The following SNTG1 variants were observed in gnomAD, a reference collection of about 807,000 sequenced individuals.
SNTG1 encodes the protein gamma-1-syntrophin.
A neutral mutation model predicts 74.7 loss-of-function variants in SNTG1; 39 were observed. The observed-to-expected ratio is 0.52, with a 90% CI of 0.40 to 0.68. The LOEUF (loss-of-function observed/expected upper bound fraction) is 0.68, where lower values mean the gene tolerates loss of function less well. SNTG1 is among the 30% of genes least tolerant of loss of function. The pLI, the probability that SNTG1 is intolerant of heterozygous loss-of-function variation, is 0.00. For synonymous variants in SNTG1, 254 were observed against 217.1 expected (o/e 1.17, Z -1.49); for missense variants, 685 against 609.5 (o/e 1.12, Z -1.30).
At chr8:50,623,299 G>A (rs1426595424) in intron 13 of SNTG1, among the ~76,000 whole-genome samples, 1 of 152,096 alleles carries the variant, frequency 6.6e-6, no homozygotes, top group Non-Finnish European at 1.5e-5. Flanking sequence ...GATGGTAGCT[G>A]TGGGGTTGTT....
chr8:50,052,883 G>A (rs1043307948), intron 1 of SNTG1, among the ~76,000 whole-genome samples: 3 of 152,118 alleles, frequency 2.0e-5, no homozygotes, highest in African/African-American at 7.2e-5. Context: ...ATGTCCACTA[G>A]GATGGCCATT....
At chr8:50,791,037 C>T (rs1178113618) in intron 18 of SNTG1, among the ~76,000 whole-genome samples, 1 of 151,878 alleles carries the variant, frequency 6.6e-6, no homozygotes, top group Non-Finnish European at 1.5e-5. Flanking sequence ...TTTTTAATAA[C>T]ATGCAAGAAC....
At chr8:49,968,802 C>G (rs1017385835) in intron 1 of SNTG1, among the ~76,000 whole-genome samples, 1 of 152,082 alleles carries the variant, frequency 6.6e-6, no homozygotes, top group Non-Finnish European at 1.5e-5. Flanking sequence ...TATTTACAGG[C>G]GCTGTGTTCC....
intron 2 of SNTG1, among the ~76,000 whole-genome samples, chr8:50,209,639 A>G (rs2084416044): frequency 6.6e-6 from 1 of 152,266 alleles, no homozygotes; most frequent in Admixed American, 6.5e-5. Context: ...GCAAACTCCA[A>G]CAGACCTGCA....
At chr8:50,200,259 G>T (rs1043695039) in intron 2 of SNTG1, among the ~76,000 whole-genome samples, 3 of 152,126 alleles carry the variant, frequency 2.0e-5, no homozygotes, top group Non-Finnish European at 4.4e-5. Context: ...TCCAAGGGTC[G>T]CATTGAGCAA....
chr8:50,654,678 C>T (rs918689522), intron 13 of SNTG1, among the ~76,000 whole-genome samples: 1 of 152,194 alleles, frequency 6.6e-6, no homozygotes, highest in South Asian at 2.1e-4. Context: ...AATATATTGA[C>T]ATAAGTAATG....
rs78434604 is a variant in SNTG1 at position 50,377,118 on chromosome 8, G to T, written c.-27-17094G>T. On this transcript the variant is annotated intron_variant, in intron 2 of 18. Coordinates refer to ENST00000642720, the MANE Select transcript of SNTG1 (RefSeq NM_018967.5). ...GCTGCTCTTGGGGAATTCGGGAGGT[G>T]TGTATTTGAGGAGGGTGAGAAGGAC... Among the ~76,000 whole-genome samples the T allele has an allele frequency of 9.0e-3, 1,376 of 152,132 alleles. 26 individuals are homozygous for T. Among genetic ancestry groups the T allele is most frequent in the African/African-American group, 0.031 (1,304 of 41,504 alleles).
chr8:50,370,160 T>C (rs564621087), intron 2 of SNTG1, among the ~76,000 whole-genome samples: 1 of 152,188 alleles, frequency 6.6e-6, no homozygotes, highest in Non-Finnish European at 1.5e-5. Context: ...AATAAAAGGA[T>C]GAGTTCAGGA....
At chr8:50,466,107 G>A (rs1264629949) in intron 8 of SNTG1, among the ~76,000 whole-genome samples, 1 of 151,980 alleles carries the variant, frequency 6.6e-6, no homozygotes, top group Non-Finnish European at 1.5e-5. Flanking sequence ...GTCATTCATT[G>A]ACATAAAAAC....
chr8:50,150,605 G>C (rs140947990), intron 1 of SNTG1, among the ~76,000 whole-genome samples: 5,825 of 152,176 alleles, frequency 0.038, 364 homozygotes, highest in African/African-American at 0.13. Flanking sequence ...TAGCATGAAG[G>C]GTTGTTGAAT....
At chr8:50,472,907 G>A (rs1477223843) in intron 8 of SNTG1, among the ~76,000 whole-genome samples, 1 of 151,712 alleles carries the variant, frequency 6.6e-6, no homozygotes, top group Non-Finnish European at 1.5e-5. Flanking sequence ...ATACACAAAT[G>A]GCCAAAAAAA....
In SNTG1 at chr8:50,385,374, A is replaced by G. The variant is rs1047746232; in HGVS notation, c.-27-8838A>G. Among the ~76,000 whole-genome samples, 6 of 152,288 alleles carry G rather than the reference A, an allele frequency of 3.9e-5. No homozygotes were observed. The South Asian group carries it at 8.3e-4, about 21-fold the overall frequency. On this transcript the variant is annotated intron_variant, in intron 2 of 18. Transcript: ENST00000642720. ...TAAGCAAGGCCAACTGCAACAACCTATTCTTTACCTTAGAAGGGTATCTCA... is the reference window on the plus strand; with the variant it reads ...TAAGCAAGGCCAACTGCAACAACCTGTTCTTTACCTTAGAAGGGTATCTCA...
intron 2 of SNTG1, among the ~76,000 whole-genome samples, chr8:50,345,637 C>T (rs1467936911): frequency 6.6e-6 from 1 of 152,120 alleles, no homozygotes; most frequent in Non-Finnish European, 1.5e-5. Context: ...ACTTTATGCT[C>T]ATGATTTTCT....
In SNTG1 at chr8:50,187,185, C is replaced by T. The variant is rs139062587; in HGVS notation, c.-28+14550C>T. ...AAACTATTTTAAATTTCATATGGAACCAAAAAAGAGATCATATAGCCAAGA... is the reference window on the plus strand; with the variant it reads ...AAACTATTTTAAATTTCATATGGAATCAAAAAAGAGATCATATAGCCAAGA... On this transcript the variant is annotated intron_variant, in intron 2 of 18. Coordinates refer to ENST00000642720, the MANE Select transcript of SNTG1 (RefSeq NM_018967.5). 3.9e-3 allele frequency among the ~76,000 whole-genome samples: 586 copies of T among 152,100 alleles called. 5 individuals carry two copies. Among genetic ancestry groups the T allele is most frequent in the African/African-American group, 0.013 (558 of 41,498 alleles).
chr8:49,981,274 C>T (rs1812654871), intron 1 of SNTG1, among the ~76,000 whole-genome samples: 1 of 152,120 alleles, frequency 6.6e-6, no homozygotes, highest in Non-Finnish European at 1.5e-5. Context: ...AATAAACTGG[C>T]ACCAGAGACC....
chr8:50,760,551 G>A (rs1379544793), intron 18 of SNTG1, among the ~76,000 whole-genome samples: 1 of 151,708 alleles, frequency 6.6e-6, no homozygotes, highest in Non-Finnish European at 1.5e-5. Context: ...TAGCATGAAG[G>A]GTGTTGAATT....
intron 1 of SNTG1, among the ~76,000 whole-genome samples, chr8:49,999,317 C>A (rs1814530231): frequency 6.6e-6 from 1 of 152,136 alleles, no homozygotes; most frequent in African/African-American, 2.4e-5. Context: ...AAGAGTGTAG[C>A]AGCTCATTGT....
rs201081243 is a variant in SNTG1 at position 50,733,310 on chromosome 8, A to AT, written c.1285-18682dup. On this transcript the variant is annotated intron_variant, in intron 17 of 18. Transcript: ENST00000642720. ...GTATTCCATGATGTATAGGTACCACATTTTTTTTTCCAATCTACCATTGAT... is the reference window on the plus strand; with the variant it reads ...GTATTCCATGATGTATAGGTACCACATTTTTTTTTTCCAATCTACCATTGAT... Among the ~76,000 whole-genome samples, 291 of 150,916 alleles carry AT rather than the reference A, an allele frequency of 1.9e-3. 1 individual carries two copies. Among genetic ancestry groups the AT allele is most frequent in the African/African-American group, 1.1e-3 (47 of 41,202 alleles).
intron 1 of SNTG1, among the ~76,000 whole-genome samples, chr8:50,143,567 G>C (rs2081749760): frequency 6.6e-6 from 1 of 152,174 alleles, no homozygotes; most frequent in African/African-American, 2.4e-5. Flanking sequence ...CCACCAAACT[G>C]TGCCAGATAG....
Sources: allele counts gnomAD v4.1 joint callset (sites outside exome capture counted in the v4.1 genomes callset), GRCh38; gene constraint gnomAD v4.1.1; transcripts MANE v1.5; gene names NCBI Gene and HGNC (gene_info 2026-07-23, HGNC 2026-07-21).